PTPRD: variants seen among roughly 807,000 people sequenced by gnomAD.
The protein encoded by PTPRD is protein tyrosine phosphatase receptor type D, also known as receptor-type tyrosine-protein phosphatase delta.
Under a neutral mutation model 214.5 loss-of-function variants are expected in PTPRD, and 34 were observed. The observed-to-expected ratio is 0.16, with a 90% CI of 0.12 to 0.21. The LOEUF (loss-of-function observed/expected upper bound fraction) is 0.21, where lower values mean the gene tolerates loss of function less well. Among genes scored for constraint, PTPRD ranks in the 10% least tolerant of loss-of-function variants. The pLI, the probability that PTPRD is intolerant of heterozygous loss-of-function variation, is 1.00. For synonymous variants in PTPRD, 1,128 were observed against 845.7 expected (o/e 1.33, Z -5.79); for missense variants, 2,545 against 2,398.7 (o/e 1.06, Z -1.27).
chr9:9,288,557 C>A (rs1426229958), intron 9 of PTPRD, among the ~76,000 whole-genome samples: 1 of 151,814 alleles, frequency 6.6e-6, no homozygotes, highest in Non-Finnish European at 1.5e-5. Flanking sequence ...AATTATTAAT[C>A]AATATTGTGT....
chr9:9,553,114 G>A (rs1245815238), intron 8 of PTPRD, among the ~76,000 whole-genome samples: 5 of 151,964 alleles, frequency 3.3e-5, no homozygotes, highest in African/African-American at 4.8e-5. Flanking sequence ...TCTAATGTCT[G>A]GGAAGATAGT....
chr9:9,752,939 C>T (rs532350954), intron 6 of PTPRD, among the ~76,000 whole-genome samples: 2 of 151,938 alleles, frequency 1.3e-5, no homozygotes, highest in Non-Finnish European at 2.9e-5. Context: ...TGAACTTTGG[C>T]CCCTTGCATG....
chr9:9,714,749 A>G (rs1021815484), intron 7 of PTPRD, among the ~76,000 whole-genome samples: 5 of 152,132 alleles, frequency 3.3e-5, no homozygotes, highest in Admixed American at 6.6e-5. Context: ...GGTGGGTGGC[A>G]GAGCCCATGG....
chr9:8,709,704 T>G (rs967323000), intron 12 of PTPRD, among the ~76,000 whole-genome samples: 2 of 152,000 alleles, frequency 1.3e-5, no homozygotes, highest in Admixed American at 6.6e-5. Context: ...ATGTTGTCTG[T>G]CAATATAAAA....
intron 9 of PTPRD, among the ~76,000 whole-genome samples, chr9:9,242,714 A>C (rs1273370048): frequency 6.6e-6 from 1 of 152,046 alleles, no homozygotes; most frequent in East Asian, 1.9e-4. Flanking sequence ...GGACTTCTCT[A>C]CACTGGTTAT....
chr9:9,903,832 T>C (rs999940541), intron 5 of PTPRD, among the ~76,000 whole-genome samples: 23 of 152,138 alleles, frequency 1.5e-4, no homozygotes, highest in African/African-American at 5.5e-4. Context: ...CTATGCATCT[T>C]ATTCAATGTG....
chr9:8,382,311 ATACT>A (rs2085361326), intron 37 of PTPRD, among the ~76,000 whole-genome samples: 1 of 152,200 alleles, frequency 6.6e-6, no homozygotes, highest in African/African-American at 2.4e-5. Context: ...AGATTAACAC[ATACT>A]TCTGAAAACT....
At chr9:9,673,113 G>C (rs2096861876) in intron 7 of PTPRD, among the ~76,000 whole-genome samples, 1 of 151,968 alleles carries the variant, frequency 6.6e-6, no homozygotes, top group South Asian at 2.1e-4. Flanking sequence ...AAATTTTGAA[G>C]TTAATTCTAG....
intron 10 of PTPRD, among the ~76,000 whole-genome samples, chr9:9,141,105 C>G (rs1041681762): frequency 6.6e-6 from 1 of 150,502 alleles, no homozygotes; most frequent in East Asian, 2.0e-4. Flanking sequence ...CCCTTCTCTT[C>G]TTCCTTCTCC....
chr9:10,396,020 AG>A (rs1169616862), intron 2 of PTPRD, among the ~76,000 whole-genome samples: 1 of 151,432 alleles, frequency 6.6e-6, no homozygotes, highest in African/African-American at 2.4e-5. Context: ...AGAAAGGGAG[AG>A]GGGTAATGAT....
chr9:9,332,752 G>C (rs751801863), intron 9 of PTPRD, among the ~76,000 whole-genome samples: 1 of 151,492 alleles, frequency 6.6e-6, no homozygotes, highest in Non-Finnish European at 1.5e-5. Context: ...GTACAGAGGA[G>C]GGTTTTTTTT....
chr9:9,260,735 G>GAATAT (rs1391241976), intron 9 of PTPRD, among the ~76,000 whole-genome samples: 1 of 151,832 alleles, frequency 6.6e-6, no homozygotes, highest in Non-Finnish European at 1.5e-5. Context: ...GAATAGAATA[G>GAATAT]TGCGGGTGAA....
In PTPRD at chr9:10,018,960, CA is replaced by C. The variant is rs1295808359; in HGVS notation, c.-472+14757del. ...ATTAAACTAAAGAGCTTCTGCGCAG[CA>C]AAAGAAACTACCATCAGAGTGAACA... On this transcript the variant is annotated intron_variant, in intron 4 of 45. Coordinates refer to ENST00000381196, the MANE Select transcript of PTPRD (RefSeq NM_002839.4). Among the ~76,000 whole-genome samples, 8 of 152,124 alleles carry C rather than the reference CA, an allele frequency of 5.3e-5. No homozygotes were observed. In the East Asian group the frequency reaches 1.4e-3, roughly 26 times the overall value.
At chr9:8,774,604 G>A (rs1473569907) in intron 11 of PTPRD, among the ~76,000 whole-genome samples, 2 of 135,176 alleles carry the variant, frequency 1.5e-5, no homozygotes, top group South Asian at 2.3e-4. Context: ...GCGCAATCTC[G>A]GCCCACTGCA....
At chr9:9,088,612 A>AAAAAAAAATT in intron 10 of PTPRD, among the ~76,000 whole-genome samples, 1 of 149,688 alleles carries the variant, frequency 6.7e-6, no homozygotes, top group Non-Finnish European at 1.5e-5. Flanking sequence ...AAAAAAAAGA[A>AAAAAAAAATT]GTCTGGCTTG....
At chr9:10,518,779 G>A (rs529613711) in intron 2 of PTPRD, among the ~76,000 whole-genome samples, 21 of 151,828 alleles carry the variant, frequency 1.4e-4, no homozygotes, top group East Asian at 3.9e-4. Context: ...TGATCTGCCC[G>A]CCTTGGCCTC....
intron 10 of PTPRD, among the ~76,000 whole-genome samples, chr9:9,134,806 CGT>C (rs142357379): frequency 4.0e-5 from 6 of 150,538 alleles, no homozygotes; most frequent in African/African-American, 4.9e-5. Context: ...ATTTGGAGTG[CGT>C]GTGTGTGTGT....
intron 2 of PTPRD, among the ~76,000 whole-genome samples, chr9:10,357,618 T>C (rs569401079): frequency 2.6e-4 from 40 of 152,364 alleles, no homozygotes; most frequent in Non-Finnish European, 4.9e-4. Flanking sequence ...TATATCCTTT[T>C]GTGCTGGTAG....
chr9:9,943,725 C>G (rs1371129543), intron 4 of PTPRD, among the ~76,000 whole-genome samples: 2 of 152,126 alleles, frequency 1.3e-5, no homozygotes, highest in Admixed American at 6.6e-5. Flanking sequence ...GTGCAGTTCT[C>G]TAGAGGAAGA....
Sources: gnomAD v4.1 joint callset for allele counts (sites outside exome capture counted in the v4.1 genomes callset) on GRCh38, gnomAD v4.1.1 for gene constraint, MANE v1.5 for transcripts, NCBI Gene and HGNC (gene_info 2026-07-23, HGNC 2026-07-21) for gene names.